Variants in PARN observed in about 807,000 individuals in gnomAD.
PARN encodes poly(A)-specific ribonuclease.
A neutral mutation model predicts 102.8 loss-of-function variants in PARN; 71 were observed. That is an observed-to-expected ratio of 0.69 (90% CI 0.57 to 0.84). PARN has a LOEUF of 0.84. PARN is among the 40% of genes least tolerant of loss of function. PARN has a pLI of 0.00. For missense variants in PARN, 782 were observed against 760.9 expected (o/e 1.03, Z -0.33); for synonymous variants, 261 against 252.9 (o/e 1.03, Z -0.30).
intron 21 of PARN, among the ~76,000 whole-genome samples, chr16:14,490,267 A>G (rs1300315744): frequency 6.6e-6 from 1 of 152,234 alleles, no homozygotes; most frequent in Admixed American, 6.5e-5. Context: ...CTTTATAGAT[A>G]AGGACACTGA....
At chr16:14,539,736 T>C (rs1219030593) in intron 21 of PARN, among the ~76,000 whole-genome samples, 8 of 152,348 alleles carry the variant, frequency 5.3e-5, no homozygotes, top group Middle Eastern at 3.4e-3. Flanking sequence ...GACTGAGGTA[T>C]TTTATAAGCC....
At chr16:14,553,257 A>G (rs1437532364) in intron 20 of PARN, among the ~76,000 whole-genome samples, 1 of 450 alleles carries the variant, frequency 2.2e-3, no homozygotes, top group African/African-American at 6.7e-3. Flanking sequence ...ATTTCTATTT[A>G]AAAAAAAAAA....
At chr16:14,446,074 C>T (rs1231428666) in intron 23 of PARN, among the ~76,000 whole-genome samples, 1 of 152,244 alleles carries the variant, frequency 6.6e-6, no homozygotes, top group African/African-American at 2.4e-5. Flanking sequence ...GTCACTGTGA[C>T]TGCTGCCTTG....
At chr16:14,559,102 T>C (rs1967886604) in intron 18 of PARN, among the ~76,000 whole-genome samples, 3 of 151,996 alleles carry the variant, frequency 2.0e-5, no homozygotes, top group Admixed American at 6.5e-5. Flanking sequence ...TTCTGTTATA[T>C]TGCTAAAGTC....
chr16:14,566,136 T>C (rs191609628), intron 18 of PARN, among the ~76,000 whole-genome samples: 18 of 152,332 alleles, frequency 1.2e-4, no homozygotes, highest in Admixed American at 5.2e-4. Flanking sequence ...ATGTCCACTT[T>C]CTACTCCCTG....
intron 21 of PARN, among the ~76,000 whole-genome samples, chr16:14,484,526 T>C (rs1963555352): frequency 2.0e-5 from 3 of 152,126 alleles, no homozygotes; most frequent in South Asian, 4.1e-4. Flanking sequence ...AGAAAACCCC[T>C]GGATATGGAA....
chr16:14,439,368 T>C (rs1960846225), intron 23 of PARN, among the ~76,000 whole-genome samples: 3 of 82,412 alleles, frequency 3.6e-5, no homozygotes, highest in Admixed American at 3.7e-4. Context: ...AGAGTGAAAC[T>C]GTCGCACAAA....
At chr16:14,542,674 TA>T (rs1275147769) in intron 21 of PARN, among the ~76,000 whole-genome samples, 1 of 151,816 alleles carries the variant, frequency 6.6e-6, no homozygotes, top group African/African-American at 2.4e-5. Context: ...ATAACTAAAG[TA>T]TACAATATAT....
At chr16:14,533,023 C>T (rs1247846613) in intron 21 of PARN, among the ~76,000 whole-genome samples, 2 of 152,128 alleles carry the variant, frequency 1.3e-5, no homozygotes, top group Non-Finnish European at 1.5e-5. Flanking sequence ...GCAGAGGCTG[C>T]AATCTCAGCA....
At chr16:14,614,207 T>C (rs1971718299) in intron 6 of PARN, among the ~76,000 whole-genome samples, 1 of 150,860 alleles carries the variant, frequency 6.6e-6, no homozygotes, top group Non-Finnish European at 1.5e-5. Context: ...CAGTGAGTCA[T>C]GAATGTGCCA....
intron 23 of PARN, 94 bp from the exon 24 acceptor site, chr16:14,436,866 G>A (rs1960728040): frequency 2.3e-6 from 2 of 871,980 alleles, no homozygotes; most frequent in Admixed American, 4.2e-5. Context: ...GAGGGCCTGT[G>A]ACGGCTGCAG....
chr16:14,552,097 T>G lies in PARN; in HGVS notation c.1406-2A>C. ...CAATCCAGGATATCTGAATGTTACC[T>G]GCAATCGCAAATTAAAAGTAAAGTG... On this transcript the variant is annotated splice_acceptor_variant, in intron 20 of 23. Coordinates refer to ENST00000437198, the MANE Select transcript of PARN (RefSeq NM_002582.4). LOFTEE classifies it high-confidence loss of function. 6.3e-7 allele frequency: 1 copy of G among 1,596,796 alleles called. No homozygotes were observed.
chr16:14,503,554 G>A (rs1567328741), intron 21 of PARN, among the ~76,000 whole-genome samples: 1 of 152,170 alleles, frequency 6.6e-6, no homozygotes, highest in African/African-American at 2.4e-5. Context: ...ACAGAAAGGT[G>A]GGAATCCTGT....
intron 6 of PARN, 59 bp downstream of exon 6, chr16:14,617,531 C>T: frequency 4.6e-6 from 4 of 875,656 alleles, no homozygotes; most frequent in Non-Finnish European, 7.9e-6. Flanking sequence ...TTCAGACTTA[C>T]TTCCCAAGGA....
intron 8 of PARN, 114 bp from the exon 9 acceptor site, chr16:14,608,433 A>G: frequency 1.5e-6 from 1 of 646,880 alleles, no homozygotes; most frequent in Non-Finnish European, 2.6e-6. Flanking sequence ...TAGAACTGAT[A>G]GGTAATTTGC....
chr16:14,581,140 C>A (rs140294900), intron 17 of PARN, among the ~76,000 whole-genome samples, 197 bp from the exon 18 acceptor site: 1 of 152,084 alleles, frequency 6.6e-6, no homozygotes, highest in Non-Finnish European at 1.5e-5. Flanking sequence ...GAAACTTCCA[C>A]CTCCCAGATT....
chr16:14,627,890 T>C (rs1054826773), intron 3 of PARN, among the ~76,000 whole-genome samples: 1 of 152,138 alleles, frequency 6.6e-6, no homozygotes, highest in Non-Finnish European at 1.5e-5. Context: ...GCGCCTGTAG[T>C]CCCAACTACT....
intron 22 of PARN, among the ~76,000 whole-genome samples, chr16:14,475,365 T>A (rs993654336): frequency 1.3e-5 from 2 of 152,228 alleles, no homozygotes; most frequent in African/African-American, 4.8e-5. Context: ...TGTTTCAGCA[T>A]CCACTGTAGA....
At chr16:14,539,458 T>C (rs1966757341) in intron 21 of PARN, among the ~76,000 whole-genome samples, 1 of 152,236 alleles carries the variant, frequency 6.6e-6, no homozygotes, top group African/African-American at 2.4e-5. Flanking sequence ...AGAGTCCAAG[T>C]TATTGTCACG....
Sources: gnomAD v4.1 joint callset for allele counts (sites outside exome capture counted in the v4.1 genomes callset) on GRCh38, gnomAD v4.1.1 for gene constraint, MANE v1.5 for transcripts, NCBI Gene and HGNC (gene_info 2026-07-23, HGNC 2026-07-21) for gene names.